The following TCF12 variants were observed in gnomAD, a reference collection of about 807,000 sequenced individuals.
TCF12 encodes the protein transcription factor 12.
In TCF12, 45 loss-of-function variants were observed where a neutral mutation model predicts 86.0. The observed-to-expected ratio is 0.52, with a 90% CI of 0.41 to 0.67. The LOEUF (loss-of-function observed/expected upper bound fraction) is 0.67, where lower values mean the gene tolerates loss of function less well. Among genes scored for constraint, TCF12 ranks in the 30% least tolerant of loss-of-function variants. The pLI, the probability that TCF12 is intolerant of heterozygous loss-of-function variation, is 0.00. For synonymous variants in TCF12, 330 were observed against 299.6 expected (o/e 1.10, Z -1.05); for missense variants, 881 against 859.9 (o/e 1.02, Z -0.31).
At chr15:57,117,540 T>C (rs1163256203) in intron 5 of TCF12, among the ~76,000 whole-genome samples, 2 of 152,218 alleles carry the variant, frequency 1.3e-5, no homozygotes, top group African/African-American at 4.8e-5. Context: ...AAGTATGATC[T>C]GGGTTCAAAT....
chr15:56,919,150 C>A (rs1386153476), intron 1 of TCF12: 1 of 151,732 alleles, frequency 6.6e-6, no homozygotes, highest in Non-Finnish European at 1.5e-5. Context: ...CGGTGCCCGA[C>A]TCGGGCCGGC....
At chr15:56,932,727 C>G (rs1027358212) in intron 3 of TCF12, among the ~76,000 whole-genome samples, 1 of 151,958 alleles carries the variant, frequency 6.6e-6, no homozygotes, top group Non-Finnish European at 1.5e-5. Context: ...TGCCACCACA[C>G]TTATTTTTGT....
intron 8 of TCF12, among the ~76,000 whole-genome samples, chr15:57,222,275 T>G (rs2058635150): frequency 6.6e-6 from 1 of 151,554 alleles, no homozygotes; most frequent in East Asian, 1.9e-4. Context: ...TTAAGGGTAT[T>G]TCAGATCTTT....
At chr15:57,240,815 G>A (rs1224935464) in intron 12 of TCF12, among the ~76,000 whole-genome samples, 1 of 145,078 alleles carries the variant, frequency 6.9e-6, no homozygotes, top group African/African-American at 2.6e-5. Flanking sequence ...AGGAAGTTGA[G>A]GCTGCAGTGA....
intron 8 of TCF12, among the ~76,000 whole-genome samples, chr15:57,199,645 A>G (rs11071310): frequency 0.19 from 28,680 of 152,140 alleles, 3,334 homozygotes; most frequent in Non-Finnish European, 0.25. Context: ...ACTTGGAGGT[A>G]GTAGTTCTCT....
chr15:56,935,827 C>T (rs1442369806), intron 3 of TCF12, among the ~76,000 whole-genome samples: 1 of 152,032 alleles, frequency 6.6e-6, no homozygotes, highest in Non-Finnish European at 1.5e-5. Context: ...TATGGCTGCA[C>T]AGTATTCTAT....
At chr15:56,986,657 G>A (rs1199931749) in intron 3 of TCF12, among the ~76,000 whole-genome samples, 2 of 152,150 alleles carry the variant, frequency 1.3e-5, no homozygotes, top group East Asian at 3.8e-4. Flanking sequence ...GTTCACAACA[G>A]AAGTTACTTT....
chr15:57,242,798 G>A (rs1358371676), intron 12 of TCF12, among the ~76,000 whole-genome samples: 2 of 152,104 alleles, frequency 1.3e-5, no homozygotes, highest in Admixed American at 6.5e-5. Flanking sequence ...TTATGCATCC[G>A]ATAATTTATC....
At chr15:57,230,686 A>G (rs16977329) in intron 8 of TCF12, among the ~76,000 whole-genome samples, 11,119 of 152,090 alleles carry the variant, frequency 0.073, 1,189 homozygotes, top group African/African-American at 0.24. Flanking sequence ...CTTAATAGTA[A>G]CAAAGATAGC....
intron 3 of TCF12, among the ~76,000 whole-genome samples, chr15:57,007,856 T>C (rs201718382): frequency 4.6e-3 from 31 of 6,770 alleles, no homozygotes; most frequent in East Asian, 0.038. Flanking sequence ...TTCCCTCCCT[T>C]CCTTCCTTCC....
intron 5 of TCF12, among the ~76,000 whole-genome samples, chr15:57,107,510 T>C (rs1263839712): frequency 1.3e-5 from 2 of 152,126 alleles, no homozygotes; most frequent in African/African-American, 4.8e-5. Context: ...TCATTATATG[T>C]TTTTTCAAAC....
chr15:57,077,340 T>A (rs2070181723), intron 4 of TCF12, among the ~76,000 whole-genome samples: 1 of 32,128 alleles, frequency 3.1e-5, no homozygotes, highest in African/African-American at 8.2e-5. Flanking sequence ...TGTGTGTGTG[T>A]GTGTGTGTGT....
intron 8 of TCF12, among the ~76,000 whole-genome samples, chr15:57,213,366 T>C (rs548536266): frequency 1.1e-4 from 17 of 152,360 alleles, no homozygotes; most frequent in African/African-American, 3.1e-4. Context: ...TTTGCTTTTT[T>C]ACTTTATTGT....
intron 5 of TCF12, among the ~76,000 whole-genome samples, chr15:57,129,315 C>T (rs943235444): frequency 6.6e-6 from 1 of 152,180 alleles, no homozygotes; most frequent in African/African-American, 2.4e-5. Flanking sequence ...AATCCCAGCA[C>T]CTTGGGAGGC....
At chr15:57,236,041 G>A (rs1184860418) in intron 12 of TCF12, among the ~76,000 whole-genome samples, 2 of 152,144 alleles carry the variant, frequency 1.3e-5, no homozygotes, top group African/African-American at 4.8e-5. Flanking sequence ...GGTGGGCTTT[G>A]GTTGTCATGG....
intron 3 of TCF12, among the ~76,000 whole-genome samples, chr15:56,962,685 A>G (rs1409195716): frequency 3.9e-5 from 6 of 152,208 alleles, no homozygotes; most frequent in African/African-American, 1.2e-4. Context: ...GAACAGAAAG[A>G]AAAGGTTGTT....
chr15:57,099,835 G>A (rs1231494039), intron 5 of TCF12, among the ~76,000 whole-genome samples: 1 of 151,864 alleles, frequency 6.6e-6, no homozygotes, highest in Admixed American at 6.6e-5. Context: ...TGTGGCTTGA[G>A]ACAACCGTAC....
chr15:57,075,804 T>TCTCTCTCTCTCTCTCTCTCTCTC (rs1567370603), intron 4 of TCF12, among the ~76,000 whole-genome samples: 1 of 28,600 alleles, frequency 3.5e-5, no homozygotes, highest in Non-Finnish European at 6.4e-5. Flanking sequence ...CTTTCTTTCT[T>TCTCTCTCTCTCTCTCTCTCTCTC]TCTCTCTCTC....
rs568089521 is a variant in TCF12, at chr15:57,055,103, ATTATC to A, written c.149-8646_149-8642del. Among the ~76,000 whole-genome samples the A allele has an allele frequency of 1.2e-3, 183 of 152,174 alleles. 1 individual carries two copies. The highest frequency in any genetic ancestry group is 4.2e-3 in the African/African-American group (173 of 41,512). On this transcript the variant is annotated intron_variant, in intron 3 of 20. Coordinates refer to ENST00000333725, the MANE Select transcript of TCF12 (RefSeq NM_207037.2). The stretch of plus-strand genomic sequence containing the variant: ...AGGATGCAGGTCTTCCTCTGATAAC[ATTATC>A]CTTCAACCTGGGCCAGGTGCGTTGG...
Sources: allele counts gnomAD v4.1 joint callset (sites outside exome capture counted in the v4.1 genomes callset), GRCh38; gene constraint gnomAD v4.1.1; transcripts MANE v1.5; gene names NCBI Gene and HGNC (gene_info 2026-07-23, HGNC 2026-07-21).